Variants in LRRC38 observed in about 807,000 individuals in gnomAD.
LRRC38 encodes the protein leucine rich repeat containing 38.
A neutral mutation model predicts 16.4 loss-of-function variants in LRRC38; 5 were observed. That is an observed-to-expected ratio of 0.31 (90% CI 0.16 to 0.64). LRRC38 has a LOEUF of 0.64. LRRC38 is among the 30% of genes least tolerant of loss of function. The pLI is 0.80. For synonymous variants in LRRC38, 191 were observed against 190.2 expected (o/e 1.00, Z -0.04); for missense variants, 341 against 401.8 (o/e 0.85, Z 1.29).
In LRRC38 at chr1:13,491,968, G is replaced by A. The variant is rs1199695924; in HGVS notation, c.632-15869C>T. On this transcript the variant is annotated intron_variant, in intron 1 of 1. Coordinates refer to ENST00000376085, the MANE Select transcript of LRRC38 (RefSeq NM_001010847.2). Reference sequence around the variant, plus strand: ...TGGGATTACAGGTGTGAGCCCCAGCGCCCGGCCAAATCTTAGCCATTTTCA... The same window carrying A: ...TGGGATTACAGGTGTGAGCCCCAGCACCCGGCCAAATCTTAGCCATTTTCA... Among the ~76,000 whole-genome samples, 8 of 152,154 alleles carry A rather than the reference G, an allele frequency of 5.3e-5. No homozygotes were observed. In the East Asian group the frequency reaches 1.2e-3, roughly 22 times the overall value.
At chr1:13,484,171 G>A (rs1182892661) in intron 1 of LRRC38, among the ~76,000 whole-genome samples, 1 of 152,022 alleles carries the variant, frequency 6.6e-6, no homozygotes, top group Non-Finnish European at 1.5e-5. Context: ...CTCTGCACCT[G>A]CCTGCTCTGC....
chr1:13,504,317 G>C (rs901232507), intron 1 of LRRC38, among the ~76,000 whole-genome samples: 2 of 152,232 alleles, frequency 1.3e-5, no homozygotes, highest in Admixed American at 6.5e-5. Flanking sequence ...CATGGATGCC[G>C]GGGGTGGCCT....
At chr1:13,483,941 G>A (rs1467937892) in intron 1 of LRRC38, among the ~76,000 whole-genome samples, 1 of 148,936 alleles carries the variant, frequency 6.7e-6, no homozygotes, top group Non-Finnish European at 1.5e-5. Flanking sequence ...GGGAGGGGAG[G>A]AGCGGGGAGG....
intron 1 of LRRC38, among the ~76,000 whole-genome samples, chr1:13,501,579 T>C: frequency 1.1e-5 from 1 of 93,658 alleles, no homozygotes; most frequent in Non-Finnish European, 2.5e-5. Context: ...CGACTAATTT[T>C]TGTGGAGTTT....
chr1:13,512,173 G>A (rs1639280933), intron 1 of LRRC38, among the ~76,000 whole-genome samples: 1 of 152,088 alleles, frequency 6.6e-6, no homozygotes, highest in African/African-American at 2.4e-5. Context: ...CCTCACTCTG[G>A]GTGCTCATCC....
intron 1 of LRRC38, among the ~76,000 whole-genome samples, chr1:13,490,750 T>C (rs1639001454): frequency 6.6e-6 from 1 of 152,200 alleles, no homozygotes; most frequent in East Asian, 1.9e-4. Context: ...ATGAGTCTGG[T>C]ACCTCCCATA....
intron 1 of LRRC38, among the ~76,000 whole-genome samples, chr1:13,507,691 G>A (rs1639229171): frequency 6.6e-6 from 1 of 152,124 alleles, no homozygotes; most frequent in African/African-American, 2.4e-5. Flanking sequence ...AATTAGCTGG[G>A]TGTGGTGGCA....
At chr1:13,481,550 C>A (rs1638856647) in intron 1 of LRRC38, among the ~76,000 whole-genome samples, 1 of 151,664 alleles carries the variant, frequency 6.6e-6, no homozygotes, top group African/African-American at 2.4e-5. Context: ...CACCACCACG[C>A]CCGGCTAATT....
intron 1 of LRRC38, among the ~76,000 whole-genome samples, chr1:13,489,601 G>C (rs897491353): frequency 6.6e-6 from 1 of 152,120 alleles, no homozygotes; most frequent in Non-Finnish European, 1.5e-5. Flanking sequence ...GAAGCTGCAC[G>C]TGCTACAGTC....
intron 1 of LRRC38, among the ~76,000 whole-genome samples, chr1:13,509,360 C>T (rs1639249550): frequency 1.3e-5 from 2 of 152,154 alleles, no homozygotes; most frequent in African/African-American, 4.8e-5. Flanking sequence ...TCCTGTGATA[C>T]ACTCCCAGGC....
intron 1 of LRRC38, among the ~76,000 whole-genome samples, chr1:13,506,101 G>T (rs1365268344): frequency 6.6e-6 from 1 of 152,208 alleles, no homozygotes; most frequent in African/African-American, 2.4e-5. Context: ...ACGTCAGGCA[G>T]TGGTCACAGG....
chr1:13,492,909 C>G (rs997592952), intron 1 of LRRC38, among the ~76,000 whole-genome samples: 1 of 152,074 alleles, frequency 6.6e-6, no homozygotes, highest in African/African-American at 2.4e-5. Flanking sequence ...GCTCCCCTCT[C>G]CCCCCTGACC....
intron 1 of LRRC38, among the ~76,000 whole-genome samples, chr1:13,502,094 A>C (rs1438479122): frequency 1.5e-5 from 2 of 133,896 alleles, no homozygotes; most frequent in Admixed American, 7.6e-5. Context: ...CGCCCAGCCA[A>C]TTTTTTTTTT....
chr1:13,504,401 C>T (rs1639185474), intron 1 of LRRC38, among the ~76,000 whole-genome samples: 1 of 151,954 alleles, frequency 6.6e-6, no homozygotes, highest in African/African-American at 2.4e-5. Context: ...ACAGAAAGCC[C>T]ATCAATACAC....
Position 13,513,217 on chromosome 1 carries a change from G to A in LRRC38, c.377C>T (p.Ser126Leu). The A allele has an allele frequency of 6.4e-7, 1 of 1,550,480 alleles. No individual in the cohort carries two copies. The change falls in exon 1 of 2, where the codon TCG becomes TTG. Residue 126 changes from serine to leucine, a missense_variant. By Grantham distance (145) the Ser-to-Leu change is moderately radical. Transcript: ENST00000376085. Reference protein sequence around the residue: ...LTQLGAGAFRSAGRLVKLSLA... With the variant: ...LTQLGAGAFRLAGRLVKLSLA... Reference sequence around the variant, plus strand: ...GCTAAGCTTCACCAGCCTCCCGGCCGAGCGGAAGGCGCCGGCGCCCAGCTG... The same window carrying A: ...GCTAAGCTTCACCAGCCTCCCGGCCAAGCGGAAGGCGCCGGCGCCCAGCTG...
intron 1 of LRRC38, among the ~76,000 whole-genome samples, chr1:13,478,274 G>A (rs1638811130): frequency 6.6e-6 from 1 of 152,198 alleles, no homozygotes; most frequent in African/African-American, 2.4e-5. Context: ...CTTACTATGT[G>A]CAGATCTTGT....
intron 1 of LRRC38, among the ~76,000 whole-genome samples, chr1:13,491,727 G>C (rs1386209901): frequency 6.6e-6 from 1 of 152,042 alleles, no homozygotes; most frequent in African/African-American, 2.4e-5. Flanking sequence ...TCAGGCTGGA[G>C]TGCAGTGGCG....
chr1:13,483,361 T>C (rs2940311), intron 1 of LRRC38, among the ~76,000 whole-genome samples: 27 of 152,102 alleles, frequency 1.8e-4, no homozygotes, highest in Admixed American at 4.6e-4. Context: ...TTTGGCCAGG[T>C]TGGTCTCAAA....
rs1639288256 is a variant in LRRC38 at position 13,512,777 on chromosome 1, A to G, written c.631+186T>C. Among the ~76,000 whole-genome samples the G allele has an allele frequency of 1.3e-5, 2 of 151,918 alleles. 1 individual carries two copies. Among genetic ancestry groups the G allele is most frequent in the South Asian group, 4.2e-4 (2 of 4,804 alleles). On this transcript the variant is annotated intron_variant, in intron 1 of 1. Transcript: ENST00000376085. ...AGAAGTACAGCCTCAGGGTTCAGAA[A>G]CTCCAAAGAATTCCAGATGCGTCCC...
Sources: gnomAD v4.1 joint callset for allele counts (sites outside exome capture counted in the v4.1 genomes callset) on GRCh38, gnomAD v4.1.1 for gene constraint, MANE v1.5 for transcripts, NCBI Gene and HGNC (gene_info 2026-07-23, HGNC 2026-07-21) for gene names.